The following MAPK10 variants were observed in gnomAD, a reference collection of about 807,000 sequenced individuals.
MAPK10 encodes mitogen-activated protein kinase 10.
In MAPK10, 25 loss-of-function variants were observed where a neutral mutation model predicts 59.3. The observed-to-expected ratio is 0.42, with a 90% CI of 0.31 to 0.59. The LOEUF (loss-of-function observed/expected upper bound fraction) is 0.59. MAPK10 is among the 20% of genes least tolerant of loss of function. MAPK10 has a pLI of 0.15. For missense variants in MAPK10, 351 were observed against 568.9 expected, an observed-to-expected ratio of 0.62 and a Z score of 3.90; for synonymous variants, 190 against 200.5, an observed-to-expected ratio of 0.95 and a Z score of 0.44.
chr4:86,491,281 G>A (rs1057056236), intron 1 of MAPK10, among the ~76,000 whole-genome samples: 5 of 152,184 alleles, frequency 3.3e-5, no homozygotes, highest in African/African-American at 1.2e-4. Context: ...AAGGACAGTG[G>A]CACTCCCAGA....
chr4:86,282,712 T>C (rs966041470), intron 2 of MAPK10, among the ~76,000 whole-genome samples: 1 of 152,176 alleles, frequency 6.6e-6, no homozygotes, highest in Non-Finnish European at 1.5e-5. Context: ...TAAATCTTTT[T>C]TGAAAGCTTA....
intron 9 of MAPK10, among the ~76,000 whole-genome samples, chr4:86,085,920 A>G (rs904062655): frequency 6.6e-6 from 1 of 152,168 alleles, no homozygotes; most frequent in Non-Finnish European, 1.5e-5. Flanking sequence ...CGAGGCACAG[A>G]AAGACAAACA....
In MAPK10 at chr4:86,080,965, A is replaced by C. The variant is rs1579865505; in HGVS notation, c.803-13010T>G. 3 of 152,046 alleles carry C rather than the reference A, an allele frequency of 2.0e-5. No individual in the cohort carries two copies. In the East Asian group the frequency reaches 5.8e-4, roughly 29 times the overall value. The allele number at this position is 152,046 out of a possible 1,614,324, so 9.4% of individuals were successfully genotyped here. On this transcript the variant is annotated intron_variant, in intron 9 of 13. Coordinates refer to ENST00000641462, the MANE Select transcript of MAPK10 (RefSeq NM_138982.4). ...GAGCAATGGTGCATTAAGAGTCAAG[A>C]TAATTCTGAAGATGACAAAAATGAA...
At chr4:86,333,216 A>G (rs887696661) in intron 2 of MAPK10, among the ~76,000 whole-genome samples, 7 of 152,214 alleles carry the variant, frequency 4.6e-5, no homozygotes, top group African/African-American at 9.6e-5. Flanking sequence ...GATTTCTAGA[A>G]TAAGAGAAAT....
At chr4:86,566,820 A>G (rs2149106618) in intron 1 of MAPK10, among the ~76,000 whole-genome samples, 1 of 152,298 alleles carries the variant, frequency 6.6e-6, no homozygotes, top group East Asian at 1.9e-4. Flanking sequence ...CTATAATCCC[A>G]GCACTTTGGG....
Position 86,365,770 on chromosome 4 carries a change from C to G in MAPK10, c.-121-11126G>C, listed in dbSNP as rs543671507. ...AAAAACACTTTAACTGCTTCAAACT[C>G]TTTTTCAAAGTGCTTTCAAATAAAA... On this transcript the variant is annotated intron_variant, in intron 1 of 13. Transcript: ENST00000361569. Among the ~76,000 whole-genome samples the G allele has an allele frequency of 9.2e-5, 14 of 152,210 alleles. No individual in the cohort carries two copies. In the South Asian group the frequency reaches 2.7e-3, roughly 29 times the overall value.
chr4:86,069,811 T>G (rs566613933), intron 9 of MAPK10, among the ~76,000 whole-genome samples: 13 of 152,222 alleles, frequency 8.5e-5, no homozygotes, highest in African/African-American at 3.1e-4. Context: ...TTTAACAAAG[T>G]TGGCAAAATA....
rs201829173 is a variant in MAPK10 at position 86,135,084 on chromosome 4, T to G, written c.236+24214A>C. Reference sequence around the variant, plus strand: ...CTAGCACAGCAGTCTGAGATCAAACTGCAAGGCAGCAGCGAGGCTGGGGGA... The same window carrying G: ...CTAGCACAGCAGTCTGAGATCAAACGGCAAGGCAGCAGCGAGGCTGGGGGA... On this transcript the variant is annotated intron_variant, in intron 4 of 13. Transcript: ENST00000641462. Among the ~76,000 whole-genome samples the G allele has an allele frequency of 2.4e-4, 36 of 152,216 alleles. No homozygotes were observed. The East Asian group carries it at 6.8e-3, about 29-fold the overall frequency.
At chr4:86,215,949 T>A (rs77598989) in intron 2 of MAPK10, among the ~76,000 whole-genome samples, 12,922 of 151,916 alleles carry the variant, frequency 0.085, 1,215 homozygotes, top group African/African-American at 0.23. Flanking sequence ...AACCAAACAA[T>A]CAAAACTACA....
chr4:86,336,441 C>A (rs1721415926), intron 2 of MAPK10: 1 of 152,200 alleles, frequency 6.6e-6, no homozygotes, highest in Admixed American at 6.5e-5. Flanking sequence ...TGGGGCTACC[C>A]ACAGACTACC....
chr4:86,288,709 A>G (rs2095115471), intron 2 of MAPK10, among the ~76,000 whole-genome samples: 1 of 152,144 alleles, frequency 6.6e-6, no homozygotes, highest in African/African-American at 2.4e-5. Flanking sequence ...GATTAATGTT[A>G]AAGTCTTTCT....
chr4:86,152,756 A>G (rs1320541848), intron 4 of MAPK10: 1 of 152,228 alleles, frequency 6.6e-6, no homozygotes, highest in African/African-American at 2.4e-5. Flanking sequence ...TACAAAATTT[A>G]TAACACATAC....
chr4:86,497,629 G>T (rs1247288554), intron 1 of MAPK10, among the ~76,000 whole-genome samples: 1 of 152,176 alleles, frequency 6.6e-6, no homozygotes, highest in Non-Finnish European at 1.5e-5. Context: ...AATAAAATCT[G>T]TCCAGGGCTA....
chr4:86,243,140 T>G (rs1352001596), intron 2 of MAPK10, among the ~76,000 whole-genome samples: 5 of 152,230 alleles, frequency 3.3e-5, no homozygotes. Context: ...TGAGAGAAAC[T>G]GGATACCTTG....
At position 86,175,056 on chromosome 4, in the gene MAPK10, C is replaced by T. The variant is rs11942064; in HGVS notation, c.67-15589G>A. On this transcript the variant is annotated intron_variant, in intron 3 of 13. Coordinates refer to ENST00000641462, the MANE Select transcript of MAPK10 (RefSeq NM_138982.4). ...GTCTGCAATAAAGAAAAAAGACATACGAAATCAGAAATAATAAGTGGTATT... is the reference window on the plus strand; with the variant it reads ...GTCTGCAATAAAGAAAAAAGACATATGAAATCAGAAATAATAAGTGGTATT... Among the ~76,000 whole-genome samples, 1,163 of 152,010 alleles carry T rather than the reference C, an allele frequency of 7.7e-3. 14 individuals are homozygous for T. The highest frequency in any genetic ancestry group is 0.026 in the African/African-American group (1,094 of 41,450).
In MAPK10 at chr4:86,291,129, G is replaced by T. The variant is rs1027334535; in HGVS notation, c.-7+63401C>A. ...ACCAGACAGCGGGAGAACTGGGTCA[G>T]ACTTCACCTGTGCATGATAGCAAAA... is the stretch of plus-strand genomic sequence containing the variant. On this transcript the variant is annotated intron_variant, in intron 2 of 13. Transcript: ENST00000641462. Among the ~76,000 whole-genome samples, 5 of 152,340 alleles carry T rather than the reference G, an allele frequency of 3.3e-5. No homozygotes were observed. The East Asian group carries it at 9.6e-4, about 29-fold the overall frequency.
At position 86,508,972 on chromosome 4, in the gene MAPK10, T is replaced by G. The variant is rs147945469; in HGVS notation, c.-263+84938A>C. Among the ~76,000 whole-genome samples, 1,438 of 152,304 alleles carry G rather than the reference T, an allele frequency of 9.4e-3. 16 individuals carry two copies. Among genetic ancestry groups the G allele is most frequent in the African/African-American group, 0.033 (1,356 of 41,574 alleles). On this transcript the variant is annotated intron_variant, in intron 1 of 4. Transcript: ENST00000502302. ...CATTTGAAGTCCCCAACCTTGTTTT[T>G]TTCTTAGAATTCAATTAGAAACTGC...
intron 1 of MAPK10, among the ~76,000 whole-genome samples, chr4:86,386,579 A>C (rs1366859658): frequency 2.0e-5 from 3 of 150,948 alleles, no homozygotes; most frequent in Non-Finnish European, 4.5e-5. Flanking sequence ...TCTGCTTTTC[A>C]GAGTTTTTTT....
chr4:86,063,008 T>G (rs2046014714), intron 11 of MAPK10, among the ~76,000 whole-genome samples: 1 of 152,204 alleles, frequency 6.6e-6, no homozygotes, highest in South Asian at 2.1e-4. Context: ...AATCTCAACA[T>G]CATTGTAAAA....
Sources: allele counts gnomAD v4.1 joint callset (sites outside exome capture counted in the v4.1 genomes callset), GRCh38; gene constraint gnomAD v4.1.1; transcripts MANE v1.5; gene names NCBI Gene and HGNC (gene_info 2026-07-23, HGNC 2026-07-21).